The following BLM variants were observed in gnomAD, a reference collection of about 807,000 sequenced individuals.
BLM encodes the protein recQ-like DNA helicase BLM.
A neutral mutation model predicts 135.3 loss-of-function variants in BLM; 95 were observed. The ratio of observed to expected loss-of-function variants is 0.70; its 90% CI spans 0.59 to 0.83. The LOEUF (loss-of-function observed/expected upper bound fraction) is 0.83. Among genes scored for constraint, BLM ranks in the 40% least tolerant of loss-of-function variants. The probability of loss-of-function intolerance (pLI) is 0.00; values close to 1 mark genes in which losing one functional copy is unlikely to be tolerated. For synonymous variants in BLM, 520 were observed against 589.2 expected (o/e 0.88, Z 1.70); for missense variants, 1,518 against 1,663.9 (o/e 0.91, Z 1.53).
intron 16 of BLM, among the ~76,000 whole-genome samples, chr15:90,797,414 CAAAAAAAAAAAAA>C (rs56369282): frequency 2.5e-4 from 27 of 109,606 alleles, no homozygotes; most frequent in Middle Eastern, 4.5e-3. Context: ...AACTCCATCT[CAAAAAAAAAAAAA>C]AAAAAAAAAA....
rs1896980675 is a variant in BLM at position 90,794,364 on chromosome 15, AAAG to A, written c.3210+11_3210+13del. 1.9e-6 allele frequency: 3 copies of A among 1,561,830 alleles called. No homozygotes were observed. Among genetic ancestry groups the A allele is most frequent in the South Asian group, 2.5e-5 (2 of 80,980 alleles). ...TAATTGCTGTAAAACAAAGGTAAAA[AAAG>A]AAGTTTTAAAATTCTTTATAATTAA... On this transcript the variant is annotated splice_region_variant and intron_variant, in intron 16 of 21. Coordinates refer to ENST00000355112, the MANE Select transcript of BLM (RefSeq NM_000057.4).
At chr15:90,732,540 T>A in intron 1 of BLM, among the ~76,000 whole-genome samples, 2 of 139,798 alleles carry the variant, frequency 1.4e-5, no homozygotes, top group African/African-American at 5.2e-5. Context: ...GAAACTGAAA[T>A]AAAGGATTTC....
intron 16 of BLM, among the ~76,000 whole-genome samples, chr15:90,794,847 C>A (rs7173846): frequency 6.7e-6 from 1 of 150,122 alleles, no homozygotes. Flanking sequence ...ACTAGTGTAC[C>A]GTATGTTTGA....
rs373214944 is a variant in BLM at position 90,765,667 on chromosome 15, T to C, written c.2193+253T>C. Among the ~76,000 whole-genome samples, 7 of 152,364 alleles carry C rather than the reference T, an allele frequency of 4.6e-5. No homozygotes were observed. The East Asian group carries it at 7.7e-4, about 17-fold the overall frequency. On this transcript the variant is annotated intron_variant, in intron 9 of 21. Transcript: ENST00000355112. Reference sequence around the variant, plus strand: ...TGCTGATGTAAATTTTTTTAACGAATAGAAAATCATTTCTTTTTTCAGTAC... The same window carrying C: ...TGCTGATGTAAATTTTTTTAACGAACAGAAAATCATTTCTTTTTTCAGTAC...
At chr15:90,796,850 G>A (rs1041429661) in intron 16 of BLM, among the ~76,000 whole-genome samples, 1 of 152,184 alleles carries the variant, frequency 6.6e-6, no homozygotes, top group African/African-American at 2.4e-5. Flanking sequence ...ATGATCGACT[G>A]GAATTTCAGC....
At chr15:90,728,522 G>A (rs538939759) in intron 1 of BLM, among the ~76,000 whole-genome samples, 5 of 152,028 alleles carry the variant, frequency 3.3e-5, no homozygotes, top group East Asian at 3.9e-4. Flanking sequence ...TCAGCCTCCC[G>A]GGTAGCTGGG....
intron 17 of BLM, 89 bp from the exon 18 acceptor site, chr15:90,803,432 C>A (rs1433913604): frequency 1.7e-6 from 2 of 1,207,732 alleles, no homozygotes; most frequent in East Asian, 2.4e-5. Context: ...CTGTCCAAAC[C>A]TGTCCATAAA....
chr15:90,815,072 A>G lies in BLM; in HGVS notation c.4077-30A>G. The G allele has an allele frequency of 2.5e-6, 4 of 1,612,034 alleles. No individual in the cohort carries two copies. Among genetic ancestry groups the G allele is most frequent in the South Asian group, 1.1e-5 (1 of 91,062 alleles). Reference sequence around the variant, plus strand: ...TCATTCATTTTTGGTTTCATTTAACATTTTGATTTTTTTCTTTGTCACATT... The same window carrying G: ...TCATTCATTTTTGGTTTCATTTAACGTTTTGATTTTTTTCTTTGTCACATT... On this transcript the variant is annotated intron_variant, in intron 21 of 21. Transcript: ENST00000355112. The surrounding 1 kb of genome is among the most constrained non-coding windows in gnomAD (Gnocchi z 4.6).
chr15:90,740,482 T>C (rs1236198649), intron 1 of BLM, among the ~76,000 whole-genome samples: 1 of 152,236 alleles, frequency 6.6e-6, no homozygotes, highest in African/African-American at 2.4e-5. Flanking sequence ...CATTCATCAC[T>C]TGATGGACAT....
chr15:90,783,333 T>G (rs1896664037), intron 13 of BLM, among the ~76,000 whole-genome samples: 1 of 152,180 alleles, frequency 6.6e-6, no homozygotes, highest in East Asian at 1.9e-4. Flanking sequence ...TTTCCACTTT[T>G]CCATGGAGAA....
intron 21 of BLM, among the ~76,000 whole-genome samples, chr15:90,813,763 C>G (rs1485016710): frequency 1.3e-5 from 2 of 152,172 alleles, no homozygotes; most frequent in Non-Finnish European, 1.5e-5. Context: ...TTGGAGCAGC[C>G]TCTTTTTGCT....
chr15:90,719,294 TGA>T (rs1894703964), intron 1 of BLM, among the ~76,000 whole-genome samples: 1 of 152,060 alleles, frequency 6.6e-6, no homozygotes, highest in Non-Finnish European at 1.5e-5. Context: ...CGGCCATGAG[TGA>T]GATTTTAAAT....
intron 1 of BLM, among the ~76,000 whole-genome samples, chr15:90,736,734 CG>C (rs1895227812): frequency 7.2e-6 from 1 of 139,246 alleles, no homozygotes; most frequent in Non-Finnish European, 1.5e-5. Flanking sequence ...TCTTTGCAAA[CG>C]GGTGTAGAGT....
intron 18 of BLM, 35 bp from the exon 19 acceptor site, chr15:90,804,132 T>C (rs1897230752): frequency 1.3e-6 from 2 of 1,583,238 alleles, no homozygotes; most frequent in Admixed American, 1.7e-5. Context: ...AGTGCACATA[T>C]ACCCACTCCT....
At chr15:90,718,033 T>G (rs1894654399) in intron 1 of BLM, among the ~76,000 whole-genome samples, 2 of 152,206 alleles carry the variant, frequency 1.3e-5, no homozygotes, top group South Asian at 4.1e-4. Flanking sequence ...TGCACGTTAC[T>G]GAAACACTAA....
intron 13 of BLM, 31 bp downstream of exon 13, chr15:90,782,959 A>G: frequency 3.3e-6 from 5 of 1,526,240 alleles, no homozygotes; most frequent in Non-Finnish European, 4.5e-6. Context: ...AGCTGTCTAG[A>G]AGTAACAAAT....
intron 1 of BLM, among the ~76,000 whole-genome samples, chr15:90,729,885 G>A (rs1337409744): frequency 3.3e-5 from 5 of 151,846 alleles, no homozygotes; most frequent in Admixed American, 6.6e-5. Flanking sequence ...TCGCTCTATC[G>A]CCCAGGCTGG....
At chr15:90,759,928 A>AG in intron 5 of BLM, 1 of 368,606 alleles carries the variant, frequency 2.7e-6, no homozygotes, top group South Asian at 2.5e-5. Flanking sequence ...AAAAAAAAAA[A>AG]AAAGAAAAAG....
intron 1 of BLM, among the ~76,000 whole-genome samples, chr15:90,727,994 A>G (rs1894961983): frequency 6.6e-6 from 1 of 152,118 alleles, no homozygotes; most frequent in Non-Finnish European, 1.5e-5. Context: ...AATGTGGTTC[A>G]TATGATTGTT....
Sources: gnomAD v4.1 joint callset for allele counts (sites outside exome capture counted in the v4.1 genomes callset) on GRCh38, gnomAD v4.1.1 for gene constraint, Gnocchi (gnomAD v3.1) non-coding constraint, MANE v1.5 for transcripts, NCBI Gene and HGNC (gene_info 2026-07-23, HGNC 2026-07-21) for gene names.